The following ULK4 variants were observed in gnomAD, a reference collection of about 807,000 sequenced individuals.
ULK4 encodes unc-51 like kinase 4.
In ULK4, 133 loss-of-function variants were observed where a neutral mutation model predicts 160.6. The ratio of observed to expected loss-of-function variants is 0.83; its 90% CI spans 0.72 to 0.96. The LOEUF (loss-of-function observed/expected upper bound fraction) is 0.96, where lower values mean the gene tolerates loss of function less well. ULK4 is among the 40% of genes least tolerant of loss of function. ULK4 has a pLI of 0.00. For missense variants in ULK4, 1,580 were observed against 1,499.5 expected (o/e 1.05, Z -0.89); for synonymous variants, 534 against 539.8 (o/e 0.99, Z 0.15).
At chr3:41,818,444 G>A (rs1478160945) in intron 19 of ULK4, among the ~76,000 whole-genome samples, 1 of 152,158 alleles carries the variant, frequency 6.6e-6, no homozygotes, top group East Asian at 1.9e-4. Flanking sequence ...GCCTCTAAGT[G>A]CACCTAGCTT....
rs757077571 is a variant in ULK4 at position 41,690,689 on chromosome 3, C to T, written c.2782-8885G>A. 7.9e-5 allele frequency among the ~76,000 whole-genome samples: 12 copies of T among 151,884 alleles called. No individual in the cohort carries two copies. In the South Asian group the frequency reaches 2.3e-3, roughly 29 times the overall value. ...TCCCCTTTCTTCATCCAGGGTTCTA[C>T]GCCACTCCCCAGTCCTACCTACAAA... On this transcript the variant is annotated intron_variant, in intron 27 of 36. Coordinates refer to ENST00000301831, the MANE Select transcript of ULK4 (RefSeq NM_017886.4).
intron 21 of ULK4, among the ~76,000 whole-genome samples, chr3:41,785,179 C>T (rs1559551690): frequency 2.0e-5 from 3 of 152,108 alleles, no homozygotes; most frequent in Non-Finnish European, 4.4e-5. Context: ...AACCAAAAAA[C>T]AGGAGCCAAA....
intron 32 of ULK4, among the ~76,000 whole-genome samples, chr3:41,528,522 A>C (rs965919180): frequency 5.3e-5 from 8 of 152,222 alleles, no homozygotes; most frequent in African/African-American, 1.9e-4. Flanking sequence ...AGATGAGTCA[A>C]GTATTATTAT....
intron 34 of ULK4, among the ~76,000 whole-genome samples, chr3:41,408,810 A>G (rs538295420): frequency 6.6e-6 from 1 of 152,308 alleles, no homozygotes; most frequent in Admixed American, 6.5e-5. Flanking sequence ...ACCTTTACAT[A>G]TATATCAATT....
In ULK4 at chr3:41,418,972, G is replaced by T. The variant is rs150217422; in HGVS notation, c.3493-20708C>A. ...CTTTGGACAGACAGCCTATGCAAGT[G>T]AGGGAAGGAGTCATGTGAATGTTGG... On this transcript the variant is annotated intron_variant, in intron 34 of 36. Coordinates refer to ENST00000301831, the MANE Select transcript of ULK4 (RefSeq NM_017886.4). 3.7e-3 allele frequency among the ~76,000 whole-genome samples: 565 copies of T among 152,348 alleles called. 4 individuals are homozygous for T. The highest frequency in any genetic ancestry group is 0.011 in the African/African-American group (472 of 41,574).
At chr3:41,260,506 G>A (rs1021805571) in intron 35 of ULK4, among the ~76,000 whole-genome samples, 3 of 152,212 alleles carry the variant, frequency 2.0e-5, no homozygotes, top group South Asian at 2.1e-4. Flanking sequence ...CACAGCATCC[G>A]TGCCTTCCCT....
intron 29 of ULK4, among the ~76,000 whole-genome samples, chr3:41,669,253 G>A (rs948690870): frequency 1.3e-5 from 2 of 152,042 alleles, no homozygotes; most frequent in African/African-American, 4.8e-5. Context: ...TAATTTTAAG[G>A]GTCGGGGGGA....
intron 34 of ULK4, among the ~76,000 whole-genome samples, chr3:41,454,365 C>G (rs1417535821): frequency 6.7e-6 from 1 of 149,746 alleles, no homozygotes; most frequent in Non-Finnish European, 1.5e-5. Flanking sequence ...TATGGTGAAA[C>G]CCTGTCTCTA....
chr3:41,555,656 A>G (rs538918313), intron 32 of ULK4, among the ~76,000 whole-genome samples: 2 of 152,254 alleles, frequency 1.3e-5, no homozygotes, highest in Non-Finnish European at 2.9e-5. Context: ...TGACCCAGCA[A>G]TCCCATTACT....
chr3:41,335,754 G>A (rs1463109845), intron 35 of ULK4, among the ~76,000 whole-genome samples: 1 of 151,848 alleles, frequency 6.6e-6, no homozygotes, highest in Non-Finnish European at 1.5e-5. Flanking sequence ...AATGTTCTTG[G>A]TTTTTAAATA....
intron 32 of ULK4, among the ~76,000 whole-genome samples, chr3:41,521,288 T>C (rs1423429892): frequency 6.6e-6 from 1 of 152,186 alleles, no homozygotes; most frequent in East Asian, 1.9e-4. Context: ...GATAGTATGA[T>C]CTGGGAGGTC....
chr3:41,604,723 A>T (rs2032285042), intron 31 of ULK4, among the ~76,000 whole-genome samples: 1 of 152,120 alleles, frequency 6.6e-6, no homozygotes, highest in African/African-American at 2.4e-5. Context: ...TTCACTGTCA[A>T]GCTACAGCCA....
chr3:41,416,420 C>G (rs1559584566), intron 34 of ULK4, among the ~76,000 whole-genome samples: 2 of 152,198 alleles, frequency 1.3e-5, no homozygotes, highest in East Asian at 3.8e-4. Flanking sequence ...GGTCCTCACC[C>G]TCCCAATTTC....
intron 34 of ULK4, among the ~76,000 whole-genome samples, chr3:41,418,761 A>G (rs1327133936): frequency 2.6e-5 from 4 of 152,192 alleles, no homozygotes; most frequent in Non-Finnish European, 5.9e-5. Flanking sequence ...GTCTCTGCCA[A>G]ATGCACCTAC....
At chr3:41,473,057 T>G (rs1375018471) in intron 32 of ULK4, among the ~76,000 whole-genome samples, 3 of 152,172 alleles carry the variant, frequency 2.0e-5, no homozygotes, top group African/African-American at 7.2e-5. Context: ...TCAACATCTT[T>G]TCATGATTAA....
intron 32 of ULK4, among the ~76,000 whole-genome samples, chr3:41,534,730 A>G (rs2086436614): frequency 6.6e-6 from 1 of 152,194 alleles, no homozygotes; most frequent in African/African-American, 2.4e-5. Flanking sequence ...TATACTACTA[A>G]GAAAGAAAAC....
At chr3:41,502,511 T>G (rs2085246020) in intron 32 of ULK4, among the ~76,000 whole-genome samples, 1 of 152,218 alleles carries the variant, frequency 6.6e-6, no homozygotes, top group South Asian at 2.1e-4. Flanking sequence ...AGTGTTCATA[T>G]AATCTTTATT....
chr3:41,898,545 T>C, intron 13 of ULK4, 53 bp from the exon 14 acceptor site: 1 of 1,122,972 alleles, frequency 8.9e-7, no homozygotes, highest in Non-Finnish European at 1.3e-6. Flanking sequence ...GATGGATATC[T>C]GTCTCCTTAT....
intron 35 of ULK4, among the ~76,000 whole-genome samples, chr3:41,260,583 C>T (rs193126018): frequency 7.9e-5 from 12 of 152,282 alleles, no homozygotes; most frequent in East Asian, 5.8e-4. Context: ...GATTAGTAAG[C>T]GGGGGATCAT....
Sources: allele counts gnomAD v4.1 joint callset (sites outside exome capture counted in the v4.1 genomes callset), GRCh38; gene constraint gnomAD v4.1.1; transcripts MANE v1.5; gene names NCBI Gene and HGNC (gene_info 2026-07-23, HGNC 2026-07-21).